Variants in EIF4ENIF1 observed in about 807,000 individuals in gnomAD.
EIF4ENIF1 encodes eukaryotic translation initiation factor 4E nuclear import factor 1.
Under a neutral mutation model 110.5 loss-of-function variants are expected in EIF4ENIF1, and 23 were observed. The ratio of observed to expected loss-of-function variants is 0.21; its 90% CI spans 0.15 to 0.29. The LOEUF (loss-of-function observed/expected upper bound fraction) is 0.29. Among genes scored for constraint, EIF4ENIF1 ranks in the 10% least tolerant of loss-of-function variants. The pLI is 1.00. For missense variants in EIF4ENIF1, 1,031 were observed against 1,221.1 expected (o/e 0.84, Z 2.32); for synonymous variants, 440 against 437.0 (o/e 1.01, Z -0.09).
chr22:31,450,486 A>T (rs1474604333), intron 10 of EIF4ENIF1, 126 bp from the exon 11 acceptor site: 4 of 677,328 alleles, frequency 5.9e-6, no homozygotes, highest in Admixed American at 2.5e-5. Context: ...CTCAAGTCAC[A>T]GAAAACTTAG....
chr22:31,467,667 AC>A (rs1357339366), intron 4 of EIF4ENIF1, among the ~76,000 whole-genome samples: 1 of 152,122 alleles, frequency 6.6e-6, no homozygotes, highest in African/African-American at 2.4e-5. Context: ...TACTAAAAAT[AC>A]AAAAACTAGC....
In EIF4ENIF1 at chr22:31,463,016, G is replaced by A. The variant is rs772111396; in HGVS notation, c.703C>T (p.Leu235=). Residue 235 remains leucine, a synonymous_variant, in exon 6 of 19, where the codon CTG becomes TTG. Coordinates refer to ENST00000330125, the MANE Select transcript of EIF4ENIF1 (RefSeq NM_019843.4). ...GPTSQSETIE[L]TGFDDKILEE... ...AGTATCTTATCATCAAAGCCAGTCAGTTCGATGGTTTCAGACTGACTTGTG... is the reference window on the plus strand; with the variant it reads ...AGTATCTTATCATCAAAGCCAGTCAATTCGATGGTTTCAGACTGACTTGTG... 9 of 1,614,018 alleles carry A rather than the reference G, an allele frequency of 5.6e-6. No individual in the cohort carries two copies. The East Asian group carries it at 2.0e-4, about 36-fold the overall frequency.
chr22:31,439,131 AC>A (rs1310066800), downstream of EIF4ENIF1, among the ~76,000 whole-genome samples: 3 of 152,226 alleles, frequency 2.0e-5, no homozygotes, highest in Admixed American at 2.0e-4. Context: ...AGCTTGGGCT[AC>A]ATGGTAAGAC....
At chr22:31,472,342 C>T (rs2051409956) in intron 2 of EIF4ENIF1, among the ~76,000 whole-genome samples, 1 of 151,788 alleles carries the variant, frequency 6.6e-6, no homozygotes, top group South Asian at 2.1e-4. Flanking sequence ...AATCTTGGCC[C>T]ACTACAACCT....
chr22:31,482,682 A>G (rs1194907515), intron 2 of EIF4ENIF1, among the ~76,000 whole-genome samples: 1 of 151,536 alleles, frequency 6.6e-6, no homozygotes, highest in Non-Finnish European at 1.5e-5. Flanking sequence ...ACGCGGTCTC[A>G]AAAACAAACA....
chr22:31,479,533 A>G (rs1046390978), intron 2 of EIF4ENIF1: 1 of 152,076 alleles, frequency 6.6e-6, no homozygotes, highest in Admixed American at 6.6e-5. Context: ...AGCCCTTAAC[A>G]TTATTCGTGG....
At chr22:31,484,904 A>C (rs1047310354) in intron 2 of EIF4ENIF1, among the ~76,000 whole-genome samples, 4 of 152,224 alleles carry the variant, frequency 2.6e-5, no homozygotes, top group Admixed American at 1.3e-4. Context: ...AAGTGGCAGA[A>C]ACATCATTAA....
chr22:31,443,825 G>A (rs1275387156), intron 15 of EIF4ENIF1, among the ~76,000 whole-genome samples: 2 of 29,666 alleles, frequency 6.7e-5, no homozygotes, highest in East Asian at 2.4e-3. Context: ...TTTTTTTTTT[G>A]AGACGGGGAC....
Position 31,450,888 on chromosome 22 carries a change from CACACACAA to C in EIF4ENIF1, c.1513-536_1513-529del, listed in dbSNP as rs1376962919. On this transcript the variant is annotated intron_variant, in intron 10 of 18. Coordinates refer to ENST00000330125, the MANE Select transcript of EIF4ENIF1 (RefSeq NM_019843.4). ...ACACACACACACACACACACACACACACACACAAAAGAGACAGGGTCTTGTTCTGTTGC... is the reference window on the plus strand; with the variant it reads ...ACACACACACACACACACACACACACAAGAGACAGGGTCTTGTTCTGTTGC... 167 of 153,294 alleles carry C rather than the reference CACACACAA, an allele frequency of 1.1e-3. 3 individuals are homozygous for C. Among genetic ancestry groups the C allele is most frequent in the South Asian group, 7.7e-3 (41 of 5,354 alleles). 9.5% of individuals were successfully genotyped at this position (153,294 alleles called of 1,614,324 possible).
chr22:31,469,731 C>T (rs1008452327), intron 3 of EIF4ENIF1, among the ~76,000 whole-genome samples: 1 of 152,156 alleles, frequency 6.6e-6, no homozygotes, highest in Non-Finnish European at 1.5e-5. Flanking sequence ...AGAGTTCTGT[C>T]ACCCAGGCTG....
downstream of EIF4ENIF1, among the ~76,000 whole-genome samples, chr22:31,438,659 G>A (rs1185048235): frequency 6.6e-6 from 1 of 152,080 alleles, no homozygotes; most frequent in East Asian, 1.9e-4. Flanking sequence ...CTGACCTGTT[G>A]GGGTCTTTAA....
In EIF4ENIF1 at chr22:31,454,246, G is replaced by C. The variant is rs780365912; in HGVS notation, c.1410C>G (p.Thr470=). The C allele has an allele frequency of 5.0e-6, 8 of 1,614,004 alleles. No homozygotes were observed. The highest frequency in any genetic ancestry group is 6.8e-6 in the Non-Finnish European group (8 of 1,180,034). The change falls in exon 10 of 19, where the codon ACC becomes ACG. Residue 470 remains threonine (T), a synonymous_variant. Transcript: ENST00000330125. ...CGTCTTTCTTCAGTTGTCGATTGTT[G>C]GTTACGGCACTCAAGGTCTCTTCTA... is the stretch of plus-strand genomic sequence containing the variant. ...EHLEETLSAV[T]NNRQLKKDGD...
chr22:31,475,211 C>A (rs1352971669), intron 2 of EIF4ENIF1, among the ~76,000 whole-genome samples: 2 of 152,122 alleles, frequency 1.3e-5, no homozygotes, highest in African/African-American at 4.8e-5. Context: ...ATTTGTAAGA[C>A]TGAGATAAAC....
chr22:31,485,025 T>C (rs552647800), intron 2 of EIF4ENIF1, among the ~76,000 whole-genome samples: 1 of 152,298 alleles, frequency 6.6e-6, no homozygotes, highest in East Asian at 1.9e-4. Flanking sequence ...TAGGAACACA[T>C]AATCATTTCA....
chr22:31,446,397 A>G (rs2064670063), intron 14 of EIF4ENIF1, among the ~76,000 whole-genome samples: 1 of 152,004 alleles, frequency 6.6e-6, no homozygotes, highest in African/African-American at 2.4e-5. Flanking sequence ...TCAGCAGACC[A>G]GTCTGGAGCT....
chr22:31,493,319 G>A (rs1461749943), upstream of EIF4ENIF1, among the ~76,000 whole-genome samples: 1 of 151,982 alleles, frequency 6.6e-6, no homozygotes, highest in African/African-American at 2.4e-5. Flanking sequence ...GTGAGCCACC[G>A]CGCCTGGCCT....
At chr22:31,481,328 A>ATT (rs35792669) in intron 2 of EIF4ENIF1, among the ~76,000 whole-genome samples, 21 of 147,710 alleles carry the variant, frequency 1.4e-4, no homozygotes, top group African/African-American at 5.0e-4. Flanking sequence ...ACCTCTGGCA[A>ATT]TTTTTTTTTT....
At chr22:31,486,005 G>C (rs1297312300) in intron 2 of EIF4ENIF1, among the ~76,000 whole-genome samples, 1 of 152,050 alleles carries the variant, frequency 6.6e-6, no homozygotes, top group East Asian at 1.9e-4. Flanking sequence ...CCAGCATTTT[G>C]GGGGGCCGAG....
At chr22:31,478,067 C>T (rs952914403) in intron 2 of EIF4ENIF1, among the ~76,000 whole-genome samples, 2 of 152,124 alleles carry the variant, frequency 1.3e-5, no homozygotes, top group African/African-American at 4.8e-5. Context: ...CCAAGGTCCA[C>T]GTGGACATTT....
Sources: gnomAD v4.1 joint callset for allele counts (sites outside exome capture counted in the v4.1 genomes callset) on GRCh38, gnomAD v4.1.1 for gene constraint, MANE v1.5 for transcripts, NCBI Gene and HGNC (gene_info 2026-07-23, HGNC 2026-07-21) for gene names.